Variants in MTUS2 observed in about 807,000 individuals in gnomAD.
MTUS2 encodes the protein microtubule associated scaffold protein 2, also known as microtubule-associated tumor suppressor candidate 2.
MTUS2 carries 40 observed loss-of-function variants against 114.1 expected under a neutral mutation model. The ratio of observed to expected loss-of-function variants is 0.35; its 90% CI spans 0.27 to 0.46. The LOEUF (loss-of-function observed/expected upper bound fraction) is 0.46, where lower values mean the gene tolerates loss of function less well. Among genes scored for constraint, MTUS2 ranks in the 20% least tolerant of loss-of-function variants. The pLI, the probability that MTUS2 is intolerant of heterozygous loss-of-function variation, is 1.00. For missense variants in MTUS2, 1,679 were observed against 1,705.4 expected (o/e 0.98, Z 0.27); for synonymous variants, 688 against 672.0 (o/e 1.02, Z -0.37).
chr13:28,924,598 G>C (rs954682005), intron 2 of MTUS2, among the ~76,000 whole-genome samples: 4 of 152,162 alleles, frequency 2.6e-5, no homozygotes, highest in Non-Finnish European at 5.9e-5. Context: ...GCGGGGAGCT[G>C]CTGCTGCCCC....
At chr13:28,901,173 T>C (rs189761864) in intron 2 of MTUS2, among the ~76,000 whole-genome samples, 58 of 152,350 alleles carry the variant, frequency 3.8e-4, no homozygotes, top group African/African-American at 1.4e-3. Context: ...ATATCCTCTT[T>C]GGAGAAGAGT....
At chr13:29,104,638 C>G (rs1890578042) in intron 5 of MTUS2, among the ~76,000 whole-genome samples, 1 of 152,202 alleles carries the variant, frequency 6.6e-6, no homozygotes, top group Non-Finnish European at 1.5e-5. Flanking sequence ...TCACACAGCA[C>G]CTGCATGTGT....
Position 29,324,299 on chromosome 13 carries a change from T to C in MTUS2, c.2807-314T>C, listed in dbSNP as rs1464212253. Among the ~76,000 whole-genome samples the C allele has an allele frequency of 5.9e-5, 9 of 152,260 alleles. No individual in the cohort carries two copies. The East Asian group carries it at 1.7e-3, about 29-fold the overall frequency. On this transcript the variant is annotated intron_variant, in intron 6 of 15. Coordinates refer to ENST00000612955, the MANE Select transcript of MTUS2 (RefSeq NM_001033602.4). ...TAAATTGGTGGCTGAGGATGTAAAA[T>C]TTTAATTCCCAGATAGTTTGGTCAG...
intron 5 of MTUS2, among the ~76,000 whole-genome samples, chr13:29,105,032 C>T (rs971205950): frequency 1.3e-5 from 2 of 152,140 alleles, no homozygotes; most frequent in Non-Finnish European, 2.9e-5. Flanking sequence ...TCGAAATGCT[C>T]CAAAACCCAA....
intron 5 of MTUS2, among the ~76,000 whole-genome samples, chr13:29,217,958 G>T (rs1295837099): frequency 1.3e-5 from 2 of 152,012 alleles, no homozygotes; most frequent in Non-Finnish European, 2.9e-5. Context: ...TCTCCACAAA[G>T]AAATTTTAAA....
chr13:29,148,542 G>T lies in MTUS2; in HGVS notation c.2644+47572G>T, dbSNP rs569377370. Among the ~76,000 whole-genome samples the T allele has an allele frequency of 3.1e-3, 209 of 66,384 alleles. 10 individuals carry two copies. The highest frequency in any genetic ancestry group is 7.0e-3 in the Middle Eastern group (1 of 142). The allele number at this position is 66,384 out of a possible 152,430, so 43.6% of individuals were successfully genotyped here. A position where few individuals can be genotyped will look rare whatever the true frequency, so the allele number is the denominator to read the frequency against. Reference sequence around the variant, plus strand: ...CGCCCAGGCTGGAGTGCAGTGGTGGGACCTCGGCTCACTGCAAGCTCCGCC... The same window carrying T: ...CGCCCAGGCTGGAGTGCAGTGGTGGTACCTCGGCTCACTGCAAGCTCCGCC... On this transcript the variant is annotated intron_variant, in intron 5 of 15. Transcript: ENST00000612955.
intron 5 of MTUS2, among the ~76,000 whole-genome samples, chr13:29,138,008 G>A (rs1049467917): frequency 6.6e-6 from 1 of 152,142 alleles, no homozygotes; most frequent in Non-Finnish European, 1.5e-5. Context: ...TAGGGAGGAG[G>A]TGGAACATCG....
chr13:28,872,460 A>G (rs1468957210), intron 2 of MTUS2, among the ~76,000 whole-genome samples: 2 of 152,192 alleles, frequency 1.3e-5, no homozygotes, highest in African/African-American at 2.4e-5. Context: ...CTATAAAGGA[A>G]TACCTAAAGC....
At chr13:28,964,520 C>A (rs1004077992) in intron 2 of MTUS2, among the ~76,000 whole-genome samples, 1 of 152,022 alleles carries the variant, frequency 6.6e-6, no homozygotes, top group Non-Finnish European at 1.5e-5. Flanking sequence ...ACTGGCACAG[C>A]CACTGCACCT....
intron 10 of MTUS2, among the ~76,000 whole-genome samples, chr13:29,482,965 A>T (rs527757555): frequency 6.6e-6 from 1 of 152,212 alleles, no homozygotes; most frequent in Non-Finnish European, 1.5e-5. Flanking sequence ...CCAGGCCAAC[A>T]GTCTAACTAC....
chr13:28,911,922 A>G (rs547978552), intron 2 of MTUS2, among the ~76,000 whole-genome samples: 2 of 148,152 alleles, frequency 1.3e-5, no homozygotes, highest in South Asian at 4.2e-4. Flanking sequence ...AGATAGATAC[A>G]TTGCAAAAAT....
intron 5 of MTUS2, among the ~76,000 whole-genome samples, chr13:29,179,504 G>A (rs778967702): frequency 4.6e-5 from 7 of 152,162 alleles, no homozygotes; most frequent in Non-Finnish European, 8.8e-5. Context: ...CTAAAAGAAA[G>A]AAAGGGATGG....
intron 2 of MTUS2, among the ~76,000 whole-genome samples, chr13:28,862,041 A>G (rs1408084453): frequency 6.6e-6 from 1 of 152,190 alleles, no homozygotes; most frequent in Non-Finnish European, 1.5e-5. Flanking sequence ...TTATAAAGGA[A>G]CTTGGAAGCT....
intron 2 of MTUS2, among the ~76,000 whole-genome samples, chr13:28,909,099 A>G (rs1209388648): frequency 5.3e-5 from 8 of 151,396 alleles, no homozygotes; most frequent in Non-Finnish European, 1.0e-4. Context: ...GTAGCCTTGT[A>G]GTATAGTTTG....
At position 29,439,875 on chromosome 13, in the gene MTUS2, G is replaced by T. The variant is rs148059320; in HGVS notation, c.3118-108G>T. The T allele has an allele frequency of 7.4e-5, 65 of 883,994 alleles. No homozygotes were observed. The East Asian group carries it at 1.7e-3, about 23-fold the overall frequency. 54.8% of individuals were successfully genotyped at this position (883,994 alleles called of 1,614,324 possible). A position where few individuals can be genotyped will look rare whatever the true frequency, so the allele number is the denominator to read the frequency against. On this transcript the variant is annotated intron_variant, in intron 8 of 15. Coordinates refer to ENST00000612955, the MANE Select transcript of MTUS2 (RefSeq NM_001033602.4). ...ATAATGTGAAAATTATCTCCTTAAGGACTAGACTTATAAATATTTGCTTAA... is the reference window on the plus strand; with the variant it reads ...ATAATGTGAAAATTATCTCCTTAAGTACTAGACTTATAAATATTTGCTTAA...
chr13:29,086,345 C>A (rs1199372167), intron 4 of MTUS2, among the ~76,000 whole-genome samples: 2 of 152,112 alleles, frequency 1.3e-5, no homozygotes, highest in African/African-American at 4.8e-5. Flanking sequence ...ATCATGAAAT[C>A]TTTGCCAAGG....
intron 6 of MTUS2, among the ~76,000 whole-genome samples, chr13:29,321,081 G>A (rs1349273996): frequency 1.3e-5 from 2 of 152,194 alleles, no homozygotes; most frequent in Non-Finnish European, 2.9e-5. Flanking sequence ...TTTGGCAGCT[G>A]AAAACAGGTC....
At chr13:29,070,864 T>C (rs1169380164) in intron 4 of MTUS2, among the ~76,000 whole-genome samples, 1 of 152,212 alleles carries the variant, frequency 6.6e-6, no homozygotes, top group Non-Finnish European at 1.5e-5. Flanking sequence ...TCTTACCTTA[T>C]GTTTTCCTTC....
intron 2 of MTUS2, among the ~76,000 whole-genome samples, chr13:28,899,380 C>T (rs1879492339): frequency 6.6e-6 from 1 of 152,172 alleles, no homozygotes; most frequent in Non-Finnish European, 1.5e-5. Context: ...TCAAATAAGG[C>T]AAATGCGAAG....
Sources: allele counts gnomAD v4.1 joint callset (sites outside exome capture counted in the v4.1 genomes callset), GRCh38; gene constraint gnomAD v4.1.1; transcripts MANE v1.5; gene names NCBI Gene and HGNC (gene_info 2026-07-23, HGNC 2026-07-21).